Variants in ITGA9 observed in about 807,000 individuals in gnomAD.
ITGA9 encodes integrin subunit alpha 9, also known as integrin alpha-9.
A neutral mutation model predicts 127.8 loss-of-function variants in ITGA9; 56 were observed. The ratio of observed to expected loss-of-function variants is 0.44; its 90% CI spans 0.35 to 0.55. The LOEUF (loss-of-function observed/expected upper bound fraction) is 0.55, where lower values mean the gene tolerates loss of function less well. Ranked by LOEUF, ITGA9 falls within the 20% of genes least tolerant of loss-of-function variation. The pLI is 0.00. For synonymous variants in ITGA9, 508 were observed against 514.5 expected (o/e 0.99, Z 0.17); for missense variants, 1,196 against 1,347.1 (o/e 0.89, Z 1.76).
intron 15 of ITGA9, among the ~76,000 whole-genome samples, chr3:37,544,234 G>A (rs1355877887): frequency 6.6e-6 from 1 of 152,194 alleles, no homozygotes; most frequent in Non-Finnish European, 1.5e-5. Flanking sequence ...CAATAGTGAA[G>A]TGCAGGCCAG....
Position 37,471,060 on chromosome 3 carries a change from C to G in ITGA9, c.239C>G (p.Ser80Cys), listed in dbSNP as rs1382378694. ...TCCAAATACAGCCCTTCAGTGAAGT[C>G]TCCTGGGGCTGTGTTTAAGTGCCGT... ...ADSKYSPSVK[S>C]PGAVFKCRVH... The change falls in exon 2 of 28, where the codon TCT becomes TGT. Residue 80 changes from serine (S) to cysteine (C), a missense_variant. Transcript: ENST00000264741. 1 of 1,614,048 alleles carries G rather than the reference C, an allele frequency of 6.2e-7. No homozygotes were observed. Among genetic ancestry groups the G allele is most frequent in the South Asian group, 1.1e-5 (1 of 91,068 alleles).
chr3:37,776,099 C>T (rs1696904139), intron 23 of ITGA9, among the ~76,000 whole-genome samples: 1 of 152,168 alleles, frequency 6.6e-6, no homozygotes, highest in Admixed American at 6.5e-5. Flanking sequence ...CCAAATATCA[C>T]ATGATCTCAA....
intron 16 of ITGA9, among the ~76,000 whole-genome samples, chr3:37,631,606 G>A (rs1307458112): frequency 6.6e-6 from 1 of 152,204 alleles, no homozygotes; most frequent in African/African-American, 2.4e-5. Context: ...TCTGGTATGA[G>A]TGAAGTAAAT....
In ITGA9 at chr3:37,787,630, GA is replaced by G. The variant is rs201518470; in HGVS notation, c.2889+2562del. ...CTGTTGTTCTCAATTTTCCTGGCAG[GA>G]AAAAAAAAATCTTTTCTGAGTAGGA... On this transcript the variant is annotated intron_variant, in intron 26 of 27. Transcript: ENST00000264741. Among the ~76,000 whole-genome samples the G allele has an allele frequency of 6.7e-5, 10 of 149,828 alleles. No individual in the cohort carries two copies. In the East Asian group the frequency reaches 1.6e-3, roughly 23 times the overall value.
intron 1 of ITGA9, among the ~76,000 whole-genome samples, chr3:37,466,412 A>T (rs1447253150): frequency 7.7e-6 from 1 of 129,178 alleles, no homozygotes; most frequent in African/African-American, 2.9e-5. Context: ...TGAACCCGGG[A>T]GGTGGAGGTT....
At chr3:37,789,646 G>A (rs1697083680) in intron 26 of ITGA9, among the ~76,000 whole-genome samples, 2 of 150,810 alleles carry the variant, frequency 1.3e-5, no homozygotes, top group Non-Finnish European at 3.0e-5. Context: ...GCGGGCGCCT[G>A]TAGTCCCAGC....
At chr3:37,512,116 CCTTCTTTCTTTTCTTTTCTTTTCTTTTCT>C (rs1698928244) in intron 8 of ITGA9, among the ~76,000 whole-genome samples, 2 of 66,286 alleles carry the variant, frequency 3.0e-5, no homozygotes, top group Non-Finnish European at 5.9e-5. Flanking sequence ...TTCCTTCCTT[CCTTCTTTCTTTTCTTTTCTTTTCTTTTCT>C]TTTCTTTTCT....
intron 17 of ITGA9, among the ~76,000 whole-genome samples, chr3:37,658,528 CA>C (rs1478357480): frequency 6.6e-6 from 1 of 152,032 alleles, no homozygotes; most frequent in Non-Finnish European, 1.5e-5. Flanking sequence ...TTTTGCTTTC[CA>C]TTTGCTTGGT....
chr3:37,476,704 G>T (rs1251223776), intron 3 of ITGA9, among the ~76,000 whole-genome samples: 2 of 152,086 alleles, frequency 1.3e-5, no homozygotes, highest in African/African-American at 2.4e-5. Flanking sequence ...CCTGTTAAGG[G>T]TTTTCTGGAA....
Position 37,743,962 on chromosome 3 carries a change from C to A in ITGA9, c.2361C>A (p.Ser787=). The A allele has an allele frequency of 6.2e-7, 1 of 1,613,988 alleles. No individual in the cohort carries two copies. The highest frequency in any genetic ancestry group is 2.2e-5 in the East Asian group (1 of 44,886). ...CAACCTCCTTTGTATATGGCGAGTC[C>A]GTGGACGCAGCCAACTTCATTCAGC... ...MSPTSFVYGE[S]VDAANFIQLD... is the part of the protein sequence containing the mutation. Residue 787 remains serine, a synonymous_variant, in exon 22 of 28, where the codon TCC becomes TCA. Coordinates refer to ENST00000264741, the MANE Select transcript of ITGA9 (RefSeq NM_002207.3).
chr3:37,509,402 C>T (rs1341562890), intron 8 of ITGA9, among the ~76,000 whole-genome samples: 1 of 151,742 alleles, frequency 6.6e-6, no homozygotes, highest in Non-Finnish European at 1.5e-5. Context: ...CTAAGGGACA[C>T]AAGTTTAGGC....
chr3:37,550,996 C>G (rs1699372872), intron 15 of ITGA9, among the ~76,000 whole-genome samples: 1 of 152,198 alleles, frequency 6.6e-6, no homozygotes, highest in Non-Finnish European at 1.5e-5. Context: ...TCACTCAAGT[C>G]ATGCCTGATA....
At chr3:37,744,816 AT>A (rs1166140681) in intron 22 of ITGA9, among the ~76,000 whole-genome samples, 1 of 152,252 alleles carries the variant, frequency 6.6e-6, no homozygotes, top group African/African-American at 2.4e-5. Context: ...TGAAATTTGA[AT>A]TTCGTATAAT....
chr3:37,787,328 A>G (rs1391128747), intron 26 of ITGA9, among the ~76,000 whole-genome samples: 1 of 152,016 alleles, frequency 6.6e-6, no homozygotes, highest in Non-Finnish European at 1.5e-5. Flanking sequence ...CCATTATAGG[A>G]CTAGACTGTG....
intron 13 of ITGA9, among the ~76,000 whole-genome samples, chr3:37,531,749 A>T (rs901011081): frequency 2.0e-5 from 3 of 152,184 alleles, no homozygotes; most frequent in Non-Finnish European, 4.4e-5. Flanking sequence ...CTTATTTAAC[A>T]AGGGTGTTTG....
intron 26 of ITGA9, among the ~76,000 whole-genome samples, chr3:37,795,280 G>C (rs1478885897): frequency 1.3e-5 from 2 of 152,184 alleles, no homozygotes; most frequent in African/African-American, 4.8e-5. Flanking sequence ...AGAAGCCTGG[G>C]TGAGATGTAC....
intron 23 of ITGA9, among the ~76,000 whole-genome samples, chr3:37,765,906 T>G (rs1696774760): frequency 6.6e-6 from 1 of 152,260 alleles, no homozygotes; most frequent in African/African-American, 2.4e-5. Flanking sequence ...CTGGAAGCAT[T>G]AACACTTTGT....
chr3:37,499,422 G>T (rs1171943262), intron 5 of ITGA9, among the ~76,000 whole-genome samples: 1 of 152,218 alleles, frequency 6.6e-6, no homozygotes, highest in Non-Finnish European at 1.5e-5. Context: ...GCTAATAAAT[G>T]CATCTTGGGA....
intron 15 of ITGA9, among the ~76,000 whole-genome samples, chr3:37,563,801 C>T (rs191352466): frequency 1.4e-4 from 22 of 152,310 alleles, no homozygotes; most frequent in Admixed American, 9.8e-4. Context: ...CTTGGTTTCT[C>T]ATACCTTTTT....
Sources: gnomAD v4.1 joint callset for allele counts (sites outside exome capture counted in the v4.1 genomes callset) on GRCh38, gnomAD v4.1.1 for gene constraint, MANE v1.5 for transcripts, NCBI Gene and HGNC (gene_info 2026-07-23, HGNC 2026-07-21) for gene names.